The following ANK3 variants were observed in gnomAD, a reference collection of about 807,000 sequenced individuals.
ANK3 encodes the protein ankyrin-3.
In ANK3, 57 loss-of-function variants were observed where a neutral mutation model predicts 370.9. The observed-to-expected ratio is 0.15, with a 90% CI of 0.12 to 0.19. The LOEUF (loss-of-function observed/expected upper bound fraction) is 0.19, where lower values mean the gene tolerates loss of function less well. Among genes scored for constraint, ANK3 ranks in the 10% least tolerant of loss-of-function variants. The pLI is 1.00. For synonymous variants in ANK3, 1,929 were observed against 1,946.3 expected, an observed-to-expected ratio of 0.99 and a Z score of 0.23; for missense variants, 4,439 against 5,302.1, an observed-to-expected ratio of 0.84 and a Z score of 5.06.
chr10:60,667,036 G>A (rs2079005228), intron 1 of ANK3, among the ~76,000 whole-genome samples: 1 of 151,724 alleles, frequency 6.6e-6, no homozygotes, highest in Admixed American at 6.6e-5. Context: ...ATACTGCAGG[G>A]AGTATACTTA....
chr10:60,291,256 T>C (rs1327240485), intron 1 of ANK3, among the ~76,000 whole-genome samples: 1 of 152,138 alleles, frequency 6.6e-6, no homozygotes, highest in African/African-American at 2.4e-5. Context: ...AAAAGCCAGT[T>C]TCACTTGTCT....
chr10:60,296,407 C>T (rs2042522919), intron 1 of ANK3, among the ~76,000 whole-genome samples: 1 of 152,140 alleles, frequency 6.6e-6, no homozygotes, highest in African/African-American at 2.4e-5. Flanking sequence ...GATACAAATC[C>T]TCTGTTCTGG....
At chr10:60,162,197 A>G (rs1403820153) in intron 23 of ANK3, among the ~76,000 whole-genome samples, 2 of 152,192 alleles carry the variant, frequency 1.3e-5, no homozygotes, top group African/African-American at 4.8e-5. Context: ...TTGGAATAGC[A>G]ATGAAAGAGA....
At chr10:60,569,099 A>G (rs527259599) in intron 2 of ANK3, among the ~76,000 whole-genome samples, 1 of 152,196 alleles carries the variant, frequency 6.6e-6, no homozygotes, top group South Asian at 2.1e-4. Flanking sequence ...AAGAAAAAAA[A>G]TCTTTAAGTG....
chr10:60,056,286 T>C (rs2079151572), intron 41 of ANK3, among the ~76,000 whole-genome samples: 2 of 151,946 alleles, frequency 1.3e-5, no homozygotes, highest in Non-Finnish European at 2.9e-5. Flanking sequence ...CTGGCCAACG[T>C]GGCAAAACCC....
intron 5 of ANK3, among the ~76,000 whole-genome samples, chr10:60,267,766 GAA>G (rs1199504829): frequency 1.3e-5 from 2 of 152,080 alleles, no homozygotes; most frequent in Admixed American, 1.3e-4. Flanking sequence ...ATCACAGTGT[GAA>G]AAAAGAGTCC....
chr10:60,431,277 TAGTTCACAGTAGGGTTTGTGC>T (rs2064015631), intron 2 of ANK3, among the ~76,000 whole-genome samples: 1 of 152,102 alleles, frequency 6.6e-6, no homozygotes, highest in South Asian at 2.1e-4. Context: ...CTCACACACA[TAGTTCACAGTAGGGTTTGTGC>T]AGTTCACAGC....
At chr10:60,651,457 T>C (rs2078788435) in intron 1 of ANK3, among the ~76,000 whole-genome samples, 1 of 152,234 alleles carries the variant, frequency 6.6e-6, no homozygotes, top group African/African-American at 2.4e-5. Context: ...GACATTTAAT[T>C]TGGCAGATTG....
At chr10:60,640,999 G>A (rs1189822330) in intron 1 of ANK3, among the ~76,000 whole-genome samples, 1 of 146,740 alleles carries the variant, frequency 6.8e-6, no homozygotes, top group Non-Finnish European at 1.5e-5. Context: ...GACAAACGGA[G>A]AGCCAAATCA....
In ANK3 at chr10:60,247,760, C is replaced by T. The variant is rs556193717; in HGVS notation, c.799-12974G>A. Among the ~76,000 whole-genome samples, 18 of 152,274 alleles carry T rather than the reference C, an allele frequency of 1.2e-4. No homozygotes were observed. The East Asian group carries it at 2.3e-3, about 20-fold the overall frequency. The stretch of plus-strand genomic sequence containing the variant: ...TTGGCTCACTGCAACCTCCGCCTCC[C>T]GAGTCCACGTGATTCTCCTGCCTCT... On this transcript the variant is annotated intron_variant, in intron 7 of 43. Coordinates refer to ENST00000280772, the MANE Select transcript of ANK3 (RefSeq NM_020987.5).
At chr10:60,415,916 G>GCTCC (rs1567021998) in intron 2 of ANK3, among the ~76,000 whole-genome samples, 2 of 81,188 alleles carry the variant, frequency 2.5e-5, no homozygotes, top group African/African-American at 4.7e-5. Flanking sequence ...CTGAATTTGT[G>GCTCC]CCCCCCACCC....
In ANK3 at chr10:60,096,044, G is replaced by A. The variant is rs138202041; in HGVS notation, c.3329-7686C>T. Among the ~76,000 whole-genome samples the A allele has an allele frequency of 3.2e-3, 485 of 152,114 alleles. 5 individuals carry two copies. The highest frequency in any genetic ancestry group is 0.011 in the African/African-American group (468 of 41,494). ...CAAAAATTAGCCAGGTGTGTCGGTAGGTGCCTGTAATCCCAGCTATCGGGA... is the reference window on the plus strand; with the variant it reads ...CAAAAATTAGCCAGGTGTGTCGGTAAGTGCCTGTAATCCCAGCTATCGGGA... On this transcript the variant is annotated intron_variant, in intron 28 of 43. Transcript: ENST00000280772.
intron 21 of ANK3, 105 bp downstream of exon 21, chr10:60,172,203 G>A: frequency 2.5e-6 from 2 of 801,166 alleles, no homozygotes; most frequent in Non-Finnish European, 4.2e-6. Context: ...TTTAAAACAT[G>A]GTGCTTAGTT....
At chr10:60,724,209 C>CA (rs398013720) in intron 1 of ANK3, among the ~76,000 whole-genome samples, 29,252 of 54,388 alleles carry the variant, frequency 0.54, 7,540 homozygotes, top group African/African-American at 0.6. Context: ...GACTCCGTCT[C>CA]AAAAAAAAAA....
intron 1 of ANK3, among the ~76,000 whole-genome samples, chr10:60,680,932 T>C (rs2079187029): frequency 6.6e-6 from 1 of 152,206 alleles, no homozygotes. Context: ...CAATATAGTA[T>C]CTGTAAATCA....
intron 1 of ANK3, among the ~76,000 whole-genome samples, chr10:60,684,160 T>A (rs1354604085): frequency 1.3e-5 from 2 of 152,196 alleles, no homozygotes; most frequent in African/African-American, 4.8e-5. Flanking sequence ...ATAATAATTA[T>A]CTTGGAAGGG....
intron 2 of ANK3, among the ~76,000 whole-genome samples, chr10:60,472,368 T>A (rs1351875531): frequency 6.6e-6 from 1 of 152,182 alleles, no homozygotes; most frequent in Non-Finnish European, 1.5e-5. Flanking sequence ...CAATTCAACC[T>A]TCAGCCAAGA....
At chr10:60,554,450 G>T (rs1026563381) in intron 2 of ANK3, among the ~76,000 whole-genome samples, 3 of 152,108 alleles carry the variant, frequency 2.0e-5, no homozygotes, top group African/African-American at 7.2e-5. Context: ...GCCTTTCTTT[G>T]CTGTAGCATC....
At chr10:60,458,799 G>A (rs994310194) in intron 2 of ANK3, among the ~76,000 whole-genome samples, 15 of 152,078 alleles carry the variant, frequency 9.9e-5, no homozygotes, top group African/African-American at 1.9e-4. Context: ...TTGGAATTAC[G>A]CCTGTGTGAA....
Sources: allele counts gnomAD v4.1 joint callset (sites outside exome capture counted in the v4.1 genomes callset), GRCh38; gene constraint gnomAD v4.1.1; transcripts MANE v1.5; gene names NCBI Gene and HGNC (gene_info 2026-07-23, HGNC 2026-07-21).